NFIA: variants seen among roughly 807,000 people sequenced by gnomAD.
NFIA encodes the protein nuclear factor 1 A-type.
In NFIA, 8 loss-of-function variants were observed where a neutral mutation model predicts 62.8. The ratio of observed to expected loss-of-function variants is 0.13; its 90% CI spans 0.07 to 0.23. The LOEUF is 0.23. NFIA is among the 10% of genes least tolerant of loss of function. The pLI is 1.00. For missense variants in NFIA, 410 were observed against 642.1 expected (o/e 0.64, Z 3.91); for synonymous variants, 235 against 238.1 (o/e 0.99, Z 0.12).
chr1:61,189,162 C>A (rs1208933218), intron 2 of NFIA, among the ~76,000 whole-genome samples: 2 of 152,134 alleles, frequency 1.3e-5, no homozygotes, highest in African/African-American at 4.8e-5. Context: ...AAGCAGTGGT[C>A]TTGGCAGGTC....
At chr1:61,354,657 CA>C (rs1038438385) in intron 5 of NFIA, among the ~76,000 whole-genome samples, 1 of 152,182 alleles carries the variant, frequency 6.6e-6, no homozygotes, top group African/African-American at 2.4e-5. Context: ...ATGCTCTTTT[CA>C]CACAGAATCC....
chr1:61,324,894 A>G (rs1345836972), intron 3 of NFIA, among the ~76,000 whole-genome samples: 2 of 152,218 alleles, frequency 1.3e-5, no homozygotes, highest in Non-Finnish European at 2.9e-5. Flanking sequence ...CACTGCGAGT[A>G]TGACTGACTC....
intron 10 of NFIA, among the ~76,000 whole-genome samples, chr1:61,433,366 A>G (rs1261703420): frequency 6.6e-6 from 1 of 152,230 alleles, no homozygotes; most frequent in East Asian, 1.9e-4. Flanking sequence ...AGCAGCTAAG[A>G]TAACTCCTTT....
At chr1:61,098,201 T>C (rs1570145508) in intron 2 of NFIA, among the ~76,000 whole-genome samples, 1 of 152,316 alleles carries the variant, frequency 6.6e-6, no homozygotes, top group East Asian at 1.9e-4. Context: ...ATGTAACTCA[T>C]AAATAATATT....
At chr1:61,121,845 A>G (rs971671196) in intron 2 of NFIA, among the ~76,000 whole-genome samples, 1 of 152,192 alleles carries the variant, frequency 6.6e-6, no homozygotes, top group Non-Finnish European at 1.5e-5. Context: ...ATTTTCTTTT[A>G]ATCCTGAAGT....
At chr1:61,209,134 CCT>C (rs1553161669) in intron 2 of NFIA, among the ~76,000 whole-genome samples, 1 of 151,420 alleles carries the variant, frequency 6.6e-6, no homozygotes, top group Non-Finnish European at 1.5e-5. Context: ...TTTTTTTTCC[CCT>C]GTCAGATATT....
chr1:61,330,283 C>A (rs1557710797), intron 3 of NFIA, among the ~76,000 whole-genome samples: 1 of 152,094 alleles, frequency 6.6e-6, no homozygotes, highest in Non-Finnish European at 1.5e-5. Context: ...TTCATCTACT[C>A]ATTCAGTAAA....
At chr1:61,134,010 C>T (rs546647461) in intron 2 of NFIA, among the ~76,000 whole-genome samples, 1 of 151,936 alleles carries the variant, frequency 6.6e-6, no homozygotes, top group African/African-American at 2.4e-5. Flanking sequence ...CCTGTAATCC[C>T]AGCTACTCAG....
chr1:61,381,779 A>G (rs1664428107), intron 6 of NFIA, among the ~76,000 whole-genome samples: 1 of 152,168 alleles, frequency 6.6e-6, no homozygotes, highest in Non-Finnish European at 1.5e-5. Flanking sequence ...AACAAAGCAG[A>G]CAAGGACTCT....
intron 2 of NFIA, among the ~76,000 whole-genome samples, chr1:61,213,951 T>A (rs1273065362): frequency 1.3e-5 from 2 of 152,170 alleles, no homozygotes; most frequent in African/African-American, 4.8e-5. Flanking sequence ...GCAGGGAAGA[T>A]ACACTCCAGG....
intron 2 of NFIA, among the ~76,000 whole-genome samples, chr1:61,154,385 A>G (rs922526734): frequency 1.3e-5 from 2 of 152,052 alleles, no homozygotes; most frequent in Non-Finnish European, 2.9e-5. Flanking sequence ...CAAACTCCTG[A>G]CCTTAGGTGA....
At chr1:61,352,640 T>G in intron 5 of NFIA, 73 bp downstream of exon 5, 14 of 1,148,436 alleles carry the variant, frequency 1.2e-5, no homozygotes, top group Non-Finnish European at 1.4e-5. Context: ...CTGGGCCCAC[T>G]ATGGATTTAG....
chr1:61,291,823 A>G (rs1156988979), intron 3 of NFIA, among the ~76,000 whole-genome samples: 2 of 152,232 alleles, frequency 1.3e-5, no homozygotes, highest in Non-Finnish European at 2.9e-5. Context: ...GGCATATGAC[A>G]TGTAAGTATG....
chr1:61,284,950 T>A (rs1257135716), intron 3 of NFIA, among the ~76,000 whole-genome samples: 2 of 152,246 alleles, frequency 1.3e-5, no homozygotes, highest in Non-Finnish European at 2.9e-5. Context: ...GAAAGCATTT[T>A]AAAGTGTGTA....
chr1:61,108,470 A>G (rs529754452), intron 2 of NFIA, among the ~76,000 whole-genome samples: 1 of 151,794 alleles, frequency 6.6e-6, no homozygotes, highest in South Asian at 2.1e-4. Flanking sequence ...TTTTTAGCCA[A>G]TAATGTATTG....
chr1:61,443,805 GC>G (rs1273801266), intron 10 of NFIA, among the ~76,000 whole-genome samples: 1 of 152,098 alleles, frequency 6.6e-6, no homozygotes. Context: ...GAAGATGATG[GC>G]TGCTTTCTCT....
At chr1:61,335,223 A>G (rs1378877861) in intron 4 of NFIA, among the ~76,000 whole-genome samples, 3 of 152,160 alleles carry the variant, frequency 2.0e-5, no homozygotes, top group Non-Finnish European at 4.4e-5. Context: ...TGTCAGCTCG[A>G]TCATGGCTTC....
At chr1:61,286,101 T>A (rs1392026847) in intron 3 of NFIA, among the ~76,000 whole-genome samples, 3 of 152,136 alleles carry the variant, frequency 2.0e-5, no homozygotes, top group African/African-American at 7.2e-5. Context: ...TACCTCAATT[T>A]TCTCATAAGT....
intron 3 of NFIA, among the ~76,000 whole-genome samples, chr1:61,306,605 T>C (rs1400856291): frequency 2.6e-5 from 4 of 152,168 alleles, no homozygotes; most frequent in Non-Finnish European, 2.9e-5. Context: ...CCCTCAGCTG[T>C]TGTTTCTTGA....
Sources: gnomAD v4.1 joint callset for allele counts (sites outside exome capture counted in the v4.1 genomes callset) on GRCh38, gnomAD v4.1.1 for gene constraint, MANE v1.5 for transcripts, NCBI Gene and HGNC (gene_info 2026-07-23, HGNC 2026-07-21) for gene names.